Variants in IPO8 observed in about 807,000 individuals in gnomAD.
The protein encoded by IPO8 is importin-8.
A neutral mutation model predicts 141.2 loss-of-function variants in IPO8; 65 were observed. The observed-to-expected ratio is 0.46, with a 90% CI of 0.38 to 0.57. The LOEUF (loss-of-function observed/expected upper bound fraction) is 0.57, where lower values mean the gene tolerates loss of function less well. Among genes scored for constraint, IPO8 ranks in the 20% least tolerant of loss-of-function variants. The pLI is 0.00. For missense variants in IPO8, 980 were observed against 1,246.8 expected (o/e 0.79, Z 3.22); for synonymous variants, 411 against 420.3 (o/e 0.98, Z 0.27).
intron 20 of IPO8, among the ~76,000 whole-genome samples, chr12:30,643,781 G>A (rs2052604814): frequency 6.6e-6 from 1 of 152,220 alleles, no homozygotes; most frequent in Non-Finnish European, 1.5e-5. Flanking sequence ...CCACCACGTT[G>A]TGGTACAGCA....
intron 1 of IPO8, among the ~76,000 whole-genome samples, chr12:30,693,706 C>T (rs966731555): frequency 6.6e-6 from 1 of 152,196 alleles, no homozygotes; most frequent in Non-Finnish European, 1.5e-5. Context: ...ATTCAAAAAA[C>T]CTTAAAGCAT....
At chr12:30,649,618 T>C (rs2052697702) in intron 19 of IPO8, among the ~76,000 whole-genome samples, 2 of 152,166 alleles carry the variant, frequency 1.3e-5, no homozygotes, top group Admixed American at 1.3e-4. Context: ...CCCATTTTTT[T>C]CATAACCACC....
intron 23 of IPO8, among the ~76,000 whole-genome samples, chr12:30,632,307 C>T (rs2052444293): frequency 6.6e-6 from 1 of 152,196 alleles, no homozygotes; most frequent in African/African-American, 2.4e-5. Flanking sequence ...AAATCCAGAA[C>T]ACCAGTACTC....
intron 20 of IPO8, among the ~76,000 whole-genome samples, chr12:30,645,138 C>G (rs190191745): frequency 6.8e-4 from 104 of 151,850 alleles, no homozygotes; most frequent in African/African-American, 2.3e-3. Context: ...CTTTGGGGGG[C>G]TGAGGCTGGT....
At chr12:30,693,027 T>TA (rs2053305500) in intron 1 of IPO8, among the ~76,000 whole-genome samples, 1 of 152,146 alleles carries the variant, frequency 6.6e-6, no homozygotes, top group South Asian at 2.1e-4. Context: ...CAAATTATCT[T>TA]AATAAAGGGT....
intron 1 of IPO8, among the ~76,000 whole-genome samples, chr12:30,690,879 T>C (rs2053285422): frequency 1.3e-5 from 2 of 152,204 alleles, no homozygotes; most frequent in South Asian, 4.1e-4. Flanking sequence ...AGTGTCCATC[T>C]ATCTAATACA....
chr12:30,668,322 CATCTGTACCAGT>C, intron 10 of IPO8, among the ~76,000 whole-genome samples: 1 of 152,260 alleles, frequency 6.6e-6, no homozygotes, highest in Middle Eastern at 3.4e-3. Context: ...AAAAAACTAG[CATCTGTACCAGT>C]AGGTTTAGCT....
At chr12:30,668,961 C>T (rs1249981814) in intron 10 of IPO8, among the ~76,000 whole-genome samples, 1 of 152,092 alleles carries the variant, frequency 6.6e-6, no homozygotes, top group African/African-American at 2.4e-5. Context: ...CTTGAGCACC[C>T]GTAAGAGAGA....
intron 2 of IPO8, among the ~76,000 whole-genome samples, chr12:30,689,129 T>TA (rs1232279675): frequency 1.3e-5 from 2 of 151,732 alleles, no homozygotes; most frequent in Non-Finnish European, 2.9e-5. Context: ...ATGTGTAATA[T>TA]AAAAAAAAGA....
chr12:30,665,444 G>T, intron 12 of IPO8, 135 bp from the exon 13 acceptor site: 1 of 662,700 alleles, frequency 1.5e-6, no homozygotes, highest in Non-Finnish European at 2.6e-6. Context: ...TATATTGCAT[G>T]TTTTAAAACA....
intron 18 of IPO8, 40 bp downstream of exon 18, chr12:30,652,927 G>T: frequency 6.4e-7 from 1 of 1,554,322 alleles, no homozygotes; most frequent in Non-Finnish European, 8.7e-7. Context: ...GAAGTATCTA[G>T]ACACAGAAAA....
At chr12:30,660,077 G>C (rs1283461411) in intron 16 of IPO8, among the ~76,000 whole-genome samples, 2 of 151,898 alleles carry the variant, frequency 1.3e-5, no homozygotes, top group East Asian at 3.9e-4. Context: ...ATAAAAATTA[G>C]CTGGGTGTGA....
rs189322357 is a variant in IPO8 at position 30,685,631 on chromosome 12, A to T, written c.167-1174T>A. Among the ~76,000 whole-genome samples the T allele has an allele frequency of 3.5e-4, 53 of 151,468 alleles. 1 individual carries two copies. In the South Asian group the frequency reaches 7.5e-3, roughly 22 times the overall value. On this transcript the variant is annotated intron_variant, in intron 2 of 24. Coordinates refer to ENST00000256079, the MANE Select transcript of IPO8 (RefSeq NM_006390.4). Reference sequence around the variant, plus strand: ...TTTCTTCACCCAACTTTTAACATATAACTAAATTCATGACCCGGAGCAGTG... The same window carrying T: ...TTTCTTCACCCAACTTTTAACATATTACTAAATTCATGACCCGGAGCAGTG...
Position 30,688,150 on chromosome 12 carries a change from T to A in IPO8, c.166+2346A>T, listed in dbSNP as rs541086953. 2.0e-5 allele frequency among the ~76,000 whole-genome samples: 3 copies of A among 152,302 alleles called. No homozygotes were observed. In the East Asian group the frequency reaches 5.8e-4, roughly 29 times the overall value. On this transcript the variant is annotated intron_variant, in intron 2 of 24. Coordinates refer to ENST00000256079, the MANE Select transcript of IPO8 (RefSeq NM_006390.4). ...TAAAAAATTAGAAACAAAAGTGATT[T>A]GAAATTCCAGATCATAACTATCCTA...
In IPO8 at chr12:30,680,508, G is replaced by A; in HGVS notation, c.613C>T (p.Leu205=). The A allele has an allele frequency of 6.2e-7, 1 of 1,611,222 alleles. No homozygotes were observed. The highest frequency in any genetic ancestry group is 8.5e-7 in the Non-Finnish European group (1 of 1,178,780). ...TGAACAAGTGCATAAAAGATTTTCA[G>A]AATTTGTTTCTGCAGTAATACAGAA... ...YYSVLLQKQI[L]KIFYALVQYA... Residue 205 remains leucine, a synonymous_variant, in exon 5 of 25, where the codon CTG becomes TTG. Coordinates refer to ENST00000256079, the MANE Select transcript of IPO8 (RefSeq NM_006390.4).
Position 30,680,541 on chromosome 12 carries a change from A to C in IPO8, c.580T>G (p.Ser194Ala). 1 of 1,612,660 alleles carries C rather than the reference A, an allele frequency of 6.2e-7. No individual in the cohort carries two copies. The highest frequency in any genetic ancestry group is 8.5e-7 in the Non-Finnish European group (1 of 1,179,048). The change falls in exon 5 of 25, where the codon TCC becomes GCC. Residue 194 changes from serine to alanine, a missense_variant. Around this residue, in one of 3 missense-constraint regions of IPO8, gnomAD observed 924 missense variants for 1,153.9 expected, o/e 0.80. Transcript: ENST00000256079. ...QQIVQLLPDSSYYSVLLQKQI... is the reference protein window; with the variant it reads ...QQIVQLLPDSAYYSVLLQKQI... ...TTCTGCAGTAATACAGAATAATAGGAGGAATCAGGAAGGAGCTGAACAATT... is the reference window on the plus strand; with the variant it reads ...TTCTGCAGTAATACAGAATAATAGGCGGAATCAGGAAGGAGCTGAACAATT...
At chr12:30,686,712 A>G (rs866050433) in intron 2 of IPO8, 2 of 152,214 alleles carry the variant, frequency 1.3e-5, no homozygotes, top group African/African-American at 4.8e-5. Flanking sequence ...TTTGATCCCT[A>G]TAGAACTAGT....
intron 2 of IPO8, among the ~76,000 whole-genome samples, chr12:30,685,423 G>A (rs2053230646): frequency 6.6e-6 from 1 of 151,770 alleles, no homozygotes; most frequent in Admixed American, 6.6e-5. Flanking sequence ...ACAGGTGTGA[G>A]CCACTGCACC....
intron 24 of IPO8, 50 bp from the exon 25 acceptor site, chr12:30,631,007 G>C (rs1246204423): frequency 6.9e-7 from 1 of 1,450,656 alleles, no homozygotes. Flanking sequence ...GAATGCTTAA[G>C]GTGACAAAGT....
Sources: gnomAD v4.1 joint callset for allele counts (sites outside exome capture counted in the v4.1 genomes callset) on GRCh38, gnomAD v4.1.1 for gene constraint, gnomAD v4.1.1 regional missense constraint, MANE v1.5 for transcripts, NCBI Gene and HGNC (gene_info 2026-07-23, HGNC 2026-07-21) for gene names.